The following AFAP1 variants were observed in gnomAD, a reference collection of about 807,000 sequenced individuals.
The protein encoded by AFAP1 is actin filament-associated protein 1.
AFAP1 carries 75 observed loss-of-function variants against 93.9 expected under a neutral mutation model. That is an observed-to-expected ratio of 0.80 (90% confidence interval 0.66 to 0.97). The LOEUF (loss-of-function observed/expected upper bound fraction) is 0.97. Ranked by LOEUF, AFAP1 falls within the 50% of genes least tolerant of loss-of-function variation. The pLI, the probability that AFAP1 is intolerant of heterozygous loss-of-function variation, is 0.00. For synonymous variants in AFAP1, 517 were observed against 430.7 expected, an observed-to-expected ratio of 1.20 and a Z score of -2.48; for missense variants, 1,201 against 1,050.8, an observed-to-expected ratio of 1.14 and a Z score of -1.98.
intron 15 of AFAP1, 27 bp from the exon 16 acceptor site, chr4:7,773,037 C>G (rs1336127545): frequency 6.3e-7 from 1 of 1,597,080 alleles, no homozygotes; most frequent in South Asian, 1.1e-5. Flanking sequence ...CGCCGTTACT[C>G]CCGCGGCAGG....
At position 7,815,902 on chromosome 4, in the gene AFAP1, C is replaced by G. The variant is rs767137337; in HGVS notation, c.904+116G>C. 3.4e-6 allele frequency: 3 copies of G among 877,924 alleles called. No individual in the cohort carries two copies. The African/African-American group carries it at 5.1e-5, about 15-fold the overall frequency. 54.4% of individuals were successfully genotyped at this position (877,924 alleles called of 1,614,324 possible). On this transcript the variant is annotated intron_variant, in intron 8 of 17. Coordinates refer to ENST00000420658, the MANE Select transcript of AFAP1 (RefSeq NM_001134647.2). ...CTCTGCCATGATGACGATATCTACA[C>G]ATCTGAATCACCCAGGACATTTTTC...
At chr4:7,802,984 A>C (rs1021918399) in intron 9 of AFAP1, among the ~76,000 whole-genome samples, 2 of 152,240 alleles carry the variant, frequency 1.3e-5, no homozygotes, top group African/African-American at 2.4e-5. Flanking sequence ...AAGAGAATCA[A>C]CTATCATATC....
chr4:7,827,767 C>G (rs1721564660), intron 6 of AFAP1, among the ~76,000 whole-genome samples: 1 of 151,632 alleles, frequency 6.6e-6, no homozygotes, highest in South Asian at 2.1e-4. Context: ...ATGTGGAGAA[C>G]AAATCTTAAG....
In AFAP1 at chr4:7,809,653, C is replaced by G; in HGVS notation, c.1015G>C (p.Glu339Gln). ...TCTTCCTCAGCTGAGGAGGTCTGCTCGTCTGTGGACGGCTTTTTCTTTCCC... is the reference window on the plus strand; with the variant it reads ...TCTTCCTCAGCTGAGGAGGTCTGCTGGTCTGTGGACGGCTTTTTCTTTCCC... Reference protein sequence around the residue: ...SLGKKKPSTDEQTSSAEEDVP... With the variant: ...SLGKKKPSTDQQTSSAEEDVP... The change falls in exon 9 of 18, where the codon GAG (glutamate) becomes CAG (glutamine). Residue 339 changes from glutamate (E) to glutamine (Q), a missense_variant. By Grantham distance (29) the Glu-to-Gln change is conservative. Transcript: ENST00000420658. 6.2e-7 allele frequency: 1 copy of G among 1,613,996 alleles called. No individual in the cohort carries two copies. The highest frequency in any genetic ancestry group is 8.5e-7 in the Non-Finnish European group (1 of 1,179,988).
intron 1 of AFAP1, among the ~76,000 whole-genome samples, chr4:7,913,740 T>C (rs1719906726): frequency 6.6e-6 from 1 of 152,234 alleles, no homozygotes; most frequent in Non-Finnish European, 1.5e-5. Flanking sequence ...TTTACTTCTC[T>C]ATATTATAAA....
intron 6 of AFAP1, among the ~76,000 whole-genome samples, chr4:7,827,051 A>C (rs1274160402): frequency 1.3e-5 from 2 of 152,232 alleles, no homozygotes; most frequent in Middle Eastern, 3.2e-3. Flanking sequence ...CGATTTAAAA[A>C]AGAAAGAAAG....
intron 6 of AFAP1, among the ~76,000 whole-genome samples, chr4:7,824,181 T>A (rs1157591878): frequency 6.6e-6 from 1 of 152,224 alleles, no homozygotes; most frequent in African/African-American, 2.4e-5. Context: ...TGAAGAGCCA[T>A]GTCCTATGAG....
Position 7,882,542 on chromosome 4 carries a change from C to T in AFAP1, c.-2-10462G>A, listed in dbSNP as rs1157819240. ...CAAACAGAAGCCTACACATTACTAC[C>T]ATGCCCTTACCAAATGAGATTCACT... On this transcript the variant is annotated intron_variant, in intron 1 of 17. Transcript: ENST00000420658. Among the ~76,000 whole-genome samples the T allele has an allele frequency of 3.3e-5, 5 of 152,126 alleles. No homozygotes were observed. The East Asian group carries it at 9.6e-4, about 29-fold the overall frequency.
rs968071163 is a variant in AFAP1, at chr4:7,758,882, T to G, written c.*4883A>C. 5.9e-5 allele frequency: 9 copies of G among 152,244 alleles called. No homozygotes were observed. The highest frequency in any genetic ancestry group is 2.2e-4 in the African/African-American group (9 of 41,466). The allele number at this position is 152,244 out of a possible 1,614,324, so 9.4% of individuals were successfully genotyped here. ...ACTAGGATTTTCCTTGCAAGTTTCT[T>G]TTCATAAAATTTTTACTTTATGAAT... On this transcript the variant is annotated 3_prime_UTR_variant, in exon 18 of 18. Coordinates refer to ENST00000420658, the MANE Select transcript of AFAP1 (RefSeq NM_001134647.2).
At chr4:7,776,594 C>G (rs1233678632) in intron 14 of AFAP1, 2 of 152,156 alleles carry the variant, frequency 1.3e-5, no homozygotes, top group African/African-American at 4.8e-5. Context: ...TTTGCCAATT[C>G]TTGCAACGTA....
intron 1 of AFAP1, among the ~76,000 whole-genome samples, chr4:7,885,232 C>T (rs1006969697): frequency 1.3e-5 from 2 of 152,162 alleles, no homozygotes; most frequent in Admixed American, 6.5e-5. Context: ...TGTCTCTTTC[C>T]ACTCTGCTTA....
At chr4:7,788,246 T>C (rs1717499401) in intron 11 of AFAP1, among the ~76,000 whole-genome samples, 1 of 152,224 alleles carries the variant, frequency 6.6e-6, no homozygotes, top group South Asian at 2.1e-4. Flanking sequence ...GATCCTGCGC[T>C]TCTGTGATCA....
intron 12 of AFAP1, 84 bp from the exon 13 acceptor site, chr4:7,781,711 G>A (rs1363575350): frequency 1.2e-5 from 18 of 1,502,710 alleles, no homozygotes; most frequent in Non-Finnish European, 1.5e-5. Flanking sequence ...TTTATTAATA[G>A]TACGGCATTT....
chr4:7,906,846 C>A (rs1369758102), intron 1 of AFAP1, among the ~76,000 whole-genome samples: 2 of 152,090 alleles, frequency 1.3e-5, no homozygotes, highest in Non-Finnish European at 2.9e-5. Context: ...TATGGCGAAG[C>A]CCCATCTCTA....
chr4:7,793,861 A>T, intron 10 of AFAP1, 35 bp from the exon 11 acceptor site: 1 of 1,476,736 alleles, frequency 6.8e-7, no homozygotes, highest in African/African-American at 1.4e-5. Context: ...GCTGTATTTA[A>T]CTAAAGATTT....
intron 15 of AFAP1, 64 bp downstream of exon 15, chr4:7,774,675 A>G (rs894043935): frequency 1.3e-6 from 2 of 1,568,002 alleles, no homozygotes; most frequent in Non-Finnish European, 1.7e-6. Context: ...TGGGCAAAGC[A>G]GAATGAAATC....
Position 7,764,561 on chromosome 4 carries a change from G to A in AFAP1, c.2419-770C>T, listed in dbSNP as rs182089037. On this transcript the variant is annotated intron_variant, in intron 17 of 17. Coordinates refer to ENST00000420658, the MANE Select transcript of AFAP1 (RefSeq NM_001134647.2). ...TGCTTAAAATGGTCAATTTTACATC[G>A]TGTTTATTTTACTCTAATAGAAAAA... Among the ~76,000 whole-genome samples the A allele has an allele frequency of 8.7e-4, 132 of 152,258 alleles. 1 individual carries two copies. The highest frequency in any genetic ancestry group is 3.8e-3 in the Admixed American group (58 of 15,296).
chr4:7,819,348 A>AT (rs1226740769), intron 6 of AFAP1, among the ~76,000 whole-genome samples, 177 bp from the exon 7 acceptor site: 2 of 152,148 alleles, frequency 1.3e-5, no homozygotes, highest in African/African-American at 2.4e-5. Context: ...CCATGCATTC[A>AT]TTCACCCAAA....
chr4:7,850,371 C>T (rs1405594878), intron 4 of AFAP1, among the ~76,000 whole-genome samples: 6 of 152,186 alleles, frequency 3.9e-5, no homozygotes, highest in Admixed American at 3.9e-4. Context: ...ATTTCGTTTA[C>T]ACACACACCC....
Sources: allele counts gnomAD v4.1 joint callset (sites outside exome capture counted in the v4.1 genomes callset), GRCh38; gene constraint gnomAD v4.1.1; transcripts MANE v1.5; gene names NCBI Gene and HGNC (gene_info 2026-07-23, HGNC 2026-07-21).